The following CCDC18 variants were observed in gnomAD, a reference collection of about 807,000 sequenced individuals.
CCDC18 encodes the protein coiled-coil domain containing 18.
In CCDC18, 157 loss-of-function variants were observed where a neutral mutation model predicts 196.0. The ratio of observed to expected loss-of-function variants is 0.80; its 90% confidence interval spans 0.70 to 0.91. CCDC18 has a LOEUF of 0.91. CCDC18 is among the 40% of genes least tolerant of loss of function. The pLI, the probability that CCDC18 is intolerant of heterozygous loss-of-function variation, is 0.00. For missense variants in CCDC18, 1,465 were observed against 1,611.6 expected (o/e 0.91, Z 1.56); for synonymous variants, 482 against 529.2 (o/e 0.91, Z 1.22).
chr1:93,219,455 CATT>C (rs1657057431), intron 14 of CCDC18, among the ~76,000 whole-genome samples: 1 of 152,026 alleles, frequency 6.6e-6, no homozygotes. Flanking sequence ...GCTTTGGGGC[CATT>C]ATTAAGTAAA....
upstream of CCDC18, chr1:93,180,485 A>C (rs752647522): frequency 4.6e-6 from 7 of 1,521,260 alleles, no homozygotes; most frequent in Non-Finnish European, 6.2e-6. Context: ...CCCTCAGGCC[A>C]GGCGTGAGCG....
At chr1:93,224,063 A>G (rs1330152786) in intron 16 of CCDC18, among the ~76,000 whole-genome samples, 1 of 152,082 alleles carries the variant, frequency 6.6e-6, no homozygotes, top group Non-Finnish European at 1.5e-5. Flanking sequence ...TTAGTTTTTT[A>G]TTAGCTATAA....
At chr1:93,198,759 C>A (rs1418925124) in intron 6 of CCDC18, among the ~76,000 whole-genome samples, 1 of 152,058 alleles carries the variant, frequency 6.6e-6, no homozygotes, top group African/African-American at 2.4e-5. Flanking sequence ...GTGATCCTCC[C>A]ACTTCAGGCT....
intron 6 of CCDC18, among the ~76,000 whole-genome samples, chr1:93,200,106 T>G (rs1312454709): frequency 6.6e-6 from 1 of 152,068 alleles, no homozygotes; most frequent in African/African-American, 2.4e-5. Context: ...TGCCTCAGCC[T>G]CTAGAGTAGC....
chr1:93,200,913 C>G (rs1215492465), intron 6 of CCDC18, among the ~76,000 whole-genome samples: 2 of 152,166 alleles, frequency 1.3e-5, no homozygotes, highest in Admixed American at 6.5e-5. Flanking sequence ...ATACAGGTAT[C>G]CTTTGATCTG....
intron 17 of CCDC18, 88 bp from the exon 18 acceptor site, chr1:93,232,338 A>G: frequency 1.4e-6 from 1 of 738,800 alleles, no homozygotes; most frequent in Non-Finnish European, 2.2e-6. Flanking sequence ...GTGGATGGTT[A>G]TCTAATAAGG....
At chr1:93,251,188 TATC>T (rs1275472198) in intron 23 of CCDC18, among the ~76,000 whole-genome samples, 1 of 152,246 alleles carries the variant, frequency 6.6e-6, no homozygotes, top group Non-Finnish European at 1.5e-5. Flanking sequence ...CAAAAACTGA[TATC>T]AACTGTGATA....
At chr1:93,236,198 A>T in intron 18 of CCDC18, 50 bp from the exon 19 acceptor site, 4 of 1,452,208 alleles carry the variant, frequency 2.8e-6, no homozygotes, top group Non-Finnish European at 3.7e-6. Flanking sequence ...ATATTTATAA[A>T]AGTATTTTTC....
intron 27 of CCDC18, among the ~76,000 whole-genome samples, chr1:93,266,338 G>A (rs797666): frequency 0.47 from 71,915 of 151,990 alleles, 20,192 homozygotes; most frequent in African/African-American, 0.79. Flanking sequence ...ACAAGAGAAA[G>A]CAGGAAAGAT....
chr1:93,216,794 T>G, intron 13 of CCDC18, 48 bp downstream of exon 13: 1 of 930,008 alleles, frequency 1.1e-6, no homozygotes, highest in Non-Finnish European at 1.7e-6. Flanking sequence ...TTTTAGGCAC[T>G]TAATTTGTGA....
At position 93,278,564 on chromosome 1, in the gene CCDC18, G is replaced by A; in HGVS notation, c.*87G>A. The A allele has an allele frequency of 1.6e-6, 1 of 617,162 alleles. No individual in the cohort carries two copies. The allele number at this position is 617,162 out of a possible 1,614,324, so 38.2% of individuals were successfully genotyped here. A position where few individuals can be genotyped will look rare whatever the true frequency, so the allele number is the denominator to read the frequency against. On this transcript the variant is annotated 3_prime_UTR_variant, in exon 29 of 29. Transcript: ENST00000690025. ...TATATGTAGCTCATACTTCATAGAA[G>A]CTGTTATTTTGCTTTTGAATAAATT...
At chr1:93,251,209 C>CA (rs903787273) in intron 23 of CCDC18, among the ~76,000 whole-genome samples, 2 of 151,494 alleles carry the variant, frequency 1.3e-5, no homozygotes, top group East Asian at 1.9e-4. Flanking sequence ...ATAGCAAAAA[C>CA]AAAAAAAAGT....
At chr1:93,244,106 G>A (rs1188129600) in intron 21 of CCDC18, among the ~76,000 whole-genome samples, 1 of 152,214 alleles carries the variant, frequency 6.6e-6, no homozygotes, top group Non-Finnish European at 1.5e-5. Context: ...TGGACTCACA[G>A]TTCCACGTGG....
At chr1:93,194,280 A>G (rs987192535) in intron 6 of CCDC18, among the ~76,000 whole-genome samples, 1 of 152,162 alleles carries the variant, frequency 6.6e-6, no homozygotes, top group Admixed American at 6.5e-5. Context: ...CCAAGGAACC[A>G]TTAACTCTGA....
Position 93,214,730 on chromosome 1 carries a change from TTA to T in CCDC18, c.1496-11_1496-10del, listed in dbSNP as rs1417256365. The T allele has an allele frequency of 6.3e-7, 1 of 1,588,568 alleles. No homozygotes were observed. Among genetic ancestry groups the T allele is most frequent in the African/African-American group, 1.3e-5 (1 of 74,108 alleles). On this transcript the variant is annotated splice_polypyrimidine_tract_variant and intron_variant, in intron 11 of 28. Coordinates refer to ENST00000690025, the MANE Select transcript of CCDC18 (RefSeq NM_001378204.1). Reference sequence around the variant, plus strand: ...AGTCCTATTCAGAACAATTTTCCTTTTATGTTTATTAGCAGAAAGCGTAAAAG... The same window carrying T: ...AGTCCTATTCAGAACAATTTTCCTTTTGTTTATTAGCAGAAAGCGTAAAAG...
intron 4 of CCDC18, 34 bp from the exon 5 acceptor site, chr1:93,191,966 T>C: frequency 6.9e-7 from 1 of 1,455,726 alleles, no homozygotes; most frequent in Non-Finnish European, 9.6e-7. Flanking sequence ...ATTTATTTTC[T>C]GAAAGTACTA....
At chr1:93,196,132 G>A (rs757917581) in intron 6 of CCDC18, among the ~76,000 whole-genome samples, 3 of 152,110 alleles carry the variant, frequency 2.0e-5, no homozygotes, top group Non-Finnish European at 2.9e-5. Context: ...GGACCAGCCC[G>A]GGCAACATGG....
rs1204380782 is a variant in CCDC18 at position 93,270,757 on chromosome 1, CAAAG to C, written c.4299_4302del (p.Glu1434Ter). On this transcript the variant is annotated frameshift_variant, in exon 28 of 29. Transcript: ENST00000690025. LOFTEE classifies it high-confidence loss of function. ...TTAGTGGGATGCTAAGATACATAAA[CAAAG>C]AAGTAAGACTATTAAAAAAGTCTTC... The C allele has an allele frequency of 3.2e-6, 5 of 1,548,388 alleles. No homozygotes were observed. Among genetic ancestry groups the C allele is most frequent in the Non-Finnish European group, 4.4e-6 (5 of 1,146,326 alleles).
At chr1:93,276,498 TTC>T (rs947217151) in intron 28 of CCDC18, among the ~76,000 whole-genome samples, 1 of 152,210 alleles carries the variant, frequency 6.6e-6, no homozygotes, top group African/African-American at 2.4e-5. Flanking sequence ...TTACTTCTAT[TTC>T]TCTTATTTGT....
Sources: allele counts gnomAD v4.1 joint callset (sites outside exome capture counted in the v4.1 genomes callset), GRCh38; gene constraint gnomAD v4.1.1; transcripts MANE v1.5; gene names NCBI Gene and HGNC (gene_info 2026-07-23, HGNC 2026-07-21).